Variants in KCNIP1 observed in about 807,000 individuals in gnomAD.
The protein encoded by KCNIP1 is A-type potassium channel modulatory protein KCNIP1.
In KCNIP1, 18 loss-of-function variants were observed where a neutral mutation model predicts 33.0. The observed-to-expected ratio is 0.55, with a 90% CI of 0.38 to 0.81. The LOEUF (loss-of-function observed/expected upper bound fraction) is 0.81, where lower values mean the gene tolerates loss of function less well. Among genes scored for constraint, KCNIP1 ranks in the 30% least tolerant of loss-of-function variants. The probability of loss-of-function intolerance (pLI) is 0.00; values close to 1 mark genes in which losing one functional copy is unlikely to be tolerated. For missense variants in KCNIP1, 238 were observed against 271.6 expected (o/e 0.88, Z 0.87); for synonymous variants, 93 against 98.3 (o/e 0.95, Z 0.32).
At chr5:170,637,650 C>T (rs1451435133) in intron 1 of KCNIP1, among the ~76,000 whole-genome samples, 2 of 152,142 alleles carry the variant, frequency 1.3e-5, no homozygotes, top group Non-Finnish European at 2.9e-5. Flanking sequence ...CAGACACCCA[C>T]GAGGCTCATT....
At chr5:170,687,182 T>C (rs1762565325) in intron 1 of KCNIP1, among the ~76,000 whole-genome samples, 1 of 146,640 alleles carries the variant, frequency 6.8e-6, no homozygotes, top group Admixed American at 6.7e-5. Flanking sequence ...AAAACCTGAG[T>C]AAATTTTTTT....
intron 1 of KCNIP1, among the ~76,000 whole-genome samples, chr5:170,388,282 G>A (rs1253752311): frequency 6.6e-6 from 1 of 152,350 alleles, no homozygotes; most frequent in South Asian, 2.1e-4. Flanking sequence ...ATCCTCCTAA[G>A]ACCATGCGTG....
chr5:170,564,562 C>A (rs1757142943), intron 1 of KCNIP1, among the ~76,000 whole-genome samples: 1 of 152,146 alleles, frequency 6.6e-6, no homozygotes, highest in African/African-American at 2.4e-5. Flanking sequence ...ATCTACTGAA[C>A]CACACTTTCT....
At chr5:170,475,508 C>T (rs1427584437) in intron 1 of KCNIP1, among the ~76,000 whole-genome samples, 1 of 152,192 alleles carries the variant, frequency 6.6e-6, no homozygotes, top group Non-Finnish European at 1.5e-5. Flanking sequence ...AACAAGACAG[C>T]AGCTTTTCTT....
intron 1 of KCNIP1, among the ~76,000 whole-genome samples, chr5:170,406,818 A>T (rs1045349889): frequency 2.6e-5 from 4 of 152,158 alleles, no homozygotes; most frequent in African/African-American, 9.7e-5. Flanking sequence ...TTCCGCATTC[A>T]TGAGGTCCAA....
At chr5:170,571,588 G>C (rs898365469) in intron 1 of KCNIP1, among the ~76,000 whole-genome samples, 5 of 152,174 alleles carry the variant, frequency 3.3e-5, no homozygotes, top group African/African-American at 1.2e-4. Context: ...ACTTGGTTGG[G>C]GTTACTTGTT....
chr5:170,472,414 A>G (rs951202232), intron 1 of KCNIP1, among the ~76,000 whole-genome samples: 5 of 152,140 alleles, frequency 3.3e-5, no homozygotes, highest in Non-Finnish European at 5.9e-5. Context: ...GATCACAGTA[A>G]TAACTGACTT....
At chr5:170,535,188 G>A (rs2113359469) in intron 1 of KCNIP1, among the ~76,000 whole-genome samples, 1 of 152,244 alleles carries the variant, frequency 6.6e-6, no homozygotes, top group South Asian at 2.1e-4. Flanking sequence ...TGACAGGTCA[G>A]ATTATCCACT....
upstream of KCNIP1, among the ~76,000 whole-genome samples, chr5:170,502,171 C>G (rs1035221805): frequency 2.6e-5 from 4 of 152,212 alleles, no homozygotes; most frequent in African/African-American, 7.2e-5. Flanking sequence ...GATCAGGCAC[C>G]TGCTTAATTC....
intron 1 of KCNIP1, among the ~76,000 whole-genome samples, chr5:170,492,881 C>G (rs1224786477): frequency 6.6e-6 from 1 of 152,198 alleles, no homozygotes; most frequent in African/African-American, 2.4e-5. Flanking sequence ...TCCCAAGTAG[C>G]TGGGACTACA....
At chr5:170,404,995 A>G (rs755471223) in intron 1 of KCNIP1, among the ~76,000 whole-genome samples, 4 of 152,230 alleles carry the variant, frequency 2.6e-5, no homozygotes. Flanking sequence ...ATAAAGCTGC[A>G]TGGAACATCT....
intron 1 of KCNIP1, among the ~76,000 whole-genome samples, chr5:170,615,289 G>A (rs1024716711): frequency 4.6e-5 from 7 of 152,162 alleles, no homozygotes; most frequent in African/African-American, 1.4e-4. Flanking sequence ...CGTAGCTACT[G>A]TGGTGAATCA....
chr5:170,591,039 C>A (rs1387402198), intron 1 of KCNIP1, among the ~76,000 whole-genome samples: 2 of 152,250 alleles, frequency 1.3e-5, no homozygotes, highest in African/African-American at 4.8e-5. Flanking sequence ...AGAACAAGGA[C>A]ACTGTGCACC....
chr5:170,687,234 T>C (rs2113807545), intron 1 of KCNIP1, among the ~76,000 whole-genome samples: 1 of 151,546 alleles, frequency 6.6e-6, no homozygotes, highest in Middle Eastern at 3.4e-3. Flanking sequence ...CAGGCTAGAG[T>C]ACAGTGGCAT....
At chr5:170,643,266 A>G (rs1760649547) in intron 1 of KCNIP1, among the ~76,000 whole-genome samples, 1 of 152,240 alleles carries the variant, frequency 6.6e-6, no homozygotes, top group African/African-American at 2.4e-5. Context: ...TCCCCAGGAA[A>G]CCAGCCTGGC....
At chr5:170,658,196 A>C (rs140635524) in intron 1 of KCNIP1, among the ~76,000 whole-genome samples, 16 of 152,278 alleles carry the variant, frequency 1.1e-4, no homozygotes, top group Admixed American at 6.5e-4. Context: ...GAACACTGAA[A>C]CTAGGCAATT....
At chr5:170,375,256 A>G (rs568858093) in intron 1 of KCNIP1, 1 of 152,354 alleles carries the variant, frequency 6.6e-6, no homozygotes, top group African/African-American at 2.4e-5. Context: ...TACAATTAAG[A>G]CTTTCTTAAA....
chr5:170,509,044 A>G (rs1350616866), intron 1 of KCNIP1, among the ~76,000 whole-genome samples: 1 of 152,130 alleles, frequency 6.6e-6, no homozygotes, highest in Non-Finnish European at 1.5e-5. Context: ...ACTATAAATA[A>G]TGGAATGGTT....
At chr5:170,564,304 T>C (rs2113464799) in intron 1 of KCNIP1, among the ~76,000 whole-genome samples, 1 of 152,304 alleles carries the variant, frequency 6.6e-6, no homozygotes, top group East Asian at 1.9e-4. Context: ...ACTATTCTCA[T>C]CTTCTCCCGC....
Sources: allele counts gnomAD v4.1 joint callset (sites outside exome capture counted in the v4.1 genomes callset), GRCh38; gene constraint gnomAD v4.1.1; transcripts MANE v1.5; gene names NCBI Gene and HGNC (gene_info 2026-07-23, HGNC 2026-07-21).